Variants in PFKFB3 observed in about 807,000 individuals in gnomAD.
The protein encoded by PFKFB3 is 6-phosphofructo-2-kinase/fructose-2,6-biphosphatase 3, also known as 6-phosphofructo-2-kinase/fructose-2,6-bisphosphatase 3.
Under a neutral mutation model 68.0 loss-of-function variants are expected in PFKFB3, and 33 were observed. The ratio of observed to expected loss-of-function variants is 0.49; its 90% CI spans 0.37 to 0.65. The LOEUF (loss-of-function observed/expected upper bound fraction) is 0.65, where lower values mean the gene tolerates loss of function less well. Ranked by LOEUF, PFKFB3 falls within the 30% of genes least tolerant of loss-of-function variation. The pLI is 0.00. For synonymous variants in PFKFB3, 315 were observed against 288.2 expected (o/e 1.09, Z -0.94); for missense variants, 586 against 712.2 (o/e 0.82, Z 2.02).
chr10:6,249,897 G>C (rs1846343126), intron 14 of PFKFB3, among the ~76,000 whole-genome samples: 1 of 152,142 alleles, frequency 6.6e-6, no homozygotes, highest in African/African-American at 2.4e-5. Flanking sequence ...GCTTGATTTA[G>C]TTATTCCACA....
intron 1 of PFKFB3, among the ~76,000 whole-genome samples, chr10:6,165,498 G>A (rs1842105551): frequency 6.6e-6 from 1 of 152,072 alleles, no homozygotes; most frequent in African/African-American, 2.4e-5. Flanking sequence ...CTTCTCCCTG[G>A]GGGCACAAAA....
chr10:6,159,472 G>A (rs962302666), intron 1 of PFKFB3, among the ~76,000 whole-genome samples: 2 of 151,942 alleles, frequency 1.3e-5, no homozygotes, highest in African/African-American at 2.4e-5. Flanking sequence ...GCTGAGGCGG[G>A]GGGATCACCT....
intron 1 of PFKFB3, among the ~76,000 whole-genome samples, chr10:6,187,029 G>T (rs1842883746): frequency 6.6e-6 from 1 of 151,986 alleles, no homozygotes; most frequent in Non-Finnish European, 1.5e-5. Flanking sequence ...GGAGACCAAT[G>T]TGGAAGTGCG....
At position 6,245,316 on chromosome 10, in the gene PFKFB3, C is replaced by T. The variant is rs529295459; in HGVS notation, c.1516-8862C>T. 3.2e-4 allele frequency among the ~76,000 whole-genome samples: 49 copies of T among 152,140 alleles called. No individual in the cohort carries two copies. In the South Asian group the frequency reaches 9.8e-3, roughly 30 times the overall value. On this transcript the variant is annotated intron_variant, in intron 14 of 14. Coordinates refer to the PFKFB3 transcript ENST00000640683. ...TTCACCATGTTGGCCAGACTGGTCT[C>T]GAACTCCTGACCTTGTGATCTGCCC...
At chr10:6,255,019 A>G (rs1300306312), downstream of PFKFB3, among the ~76,000 whole-genome samples, 3 of 150,958 alleles carry the variant, frequency 2.0e-5, no homozygotes, top group East Asian at 5.8e-4. Context: ...GTTTTACCAC[A>G]TTGGCCAGGC....
chr10:6,264,951 C>T, the PFKFB3 span, among the ~76,000 whole-genome samples: 1 of 152,114 alleles, frequency 6.6e-6, no homozygotes, highest in Admixed American at 6.5e-5. Context: ...TCCAAGTCAT[C>T]GATCATCTTA....
intron 1 of PFKFB3, among the ~76,000 whole-genome samples, chr10:6,157,855 T>C (rs1425696453): frequency 6.6e-6 from 1 of 152,170 alleles, no homozygotes; most frequent in Non-Finnish European, 1.5e-5. Flanking sequence ...ACACATGGCC[T>C]GACAGTAAAT....
At chr10:6,165,018 T>C (rs1403668928) in intron 1 of PFKFB3, among the ~76,000 whole-genome samples, 1 of 151,784 alleles carries the variant, frequency 6.6e-6, no homozygotes, top group Non-Finnish European at 1.5e-5. Flanking sequence ...TCTCTTTCAC[T>C]ACTTCTCAGT....
chr10:6,187,982 T>G (rs555108324), intron 1 of PFKFB3, among the ~76,000 whole-genome samples: 229 of 117,420 alleles, frequency 2.0e-3, no homozygotes, highest in African/African-American at 6.0e-3. Flanking sequence ...TATCTATCCA[T>G]CCATCCATTT....
At chr10:6,267,534 C>T in the PFKFB3 span, among the ~76,000 whole-genome samples, 3 of 152,146 alleles carry the variant, frequency 2.0e-5, no homozygotes, top group Non-Finnish European at 2.9e-5. Context: ...TGCGGTGTCT[C>T]GGGGCTGTTG....
intron 1 of PFKFB3, among the ~76,000 whole-genome samples, chr10:6,204,775 C>G (rs1287580172): frequency 6.6e-6 from 1 of 152,242 alleles, no homozygotes; most frequent in African/African-American, 2.4e-5. Flanking sequence ...TTGGCCAAGG[C>G]CAAATGCAGA....
At chr10:6,211,637 T>G (rs1460326553) in intron 1 of PFKFB3, among the ~76,000 whole-genome samples, 2 of 152,200 alleles carry the variant, frequency 1.3e-5, no homozygotes, top group Non-Finnish European at 2.9e-5. Context: ...CCCTGGGTGC[T>G]TGGTGCTTTG....
chr10:6,205,728 T>A (rs1250130089), intron 1 of PFKFB3, among the ~76,000 whole-genome samples: 1 of 152,062 alleles, frequency 6.6e-6, no homozygotes, highest in Non-Finnish European at 1.5e-5. Flanking sequence ...TGTTGCCACC[T>A]TTATAAGTGG....
In PFKFB3 at chr10:6,215,448, G is replaced by GGCATAA; in HGVS notation, c.299+132_299+133insCATAAG. On this transcript the variant is annotated intron_variant, in intron 3 of 14. Coordinates refer to ENST00000379775, the MANE Select transcript of PFKFB3 (RefSeq NM_004566.4). This position sits in a 1 kb window ranked among gnomAD's most constrained non-coding sequence, Gnocchi z 4.3. Reference sequence around the variant, plus strand: ...GCTGTGGGAATAAGGCTGGGCTGCGGGGCTGCGGGTGTAAGGCTGGGCTGC... The same window carrying GGCATAA: ...GCTGTGGGAATAAGGCTGGGCTGCGGGCATAAGGCTGCGGGTGTAAGGCTGGGCTGC... 1.4e-6 allele frequency: 1 copy of GGCATAA among 707,018 alleles called. No homozygotes were observed. The highest frequency in any genetic ancestry group is 2.5e-6 in the Non-Finnish European group (1 of 402,872). 43.8% of individuals were successfully genotyped at this position (707,018 alleles called of 1,614,324 possible).
chr10:6,223,089 T>A, intron 11 of PFKFB3, 105 bp downstream of exon 11: 1 of 1,201,148 alleles, frequency 8.3e-7, no homozygotes, highest in Non-Finnish European at 1.2e-6. Context: ...TTGGCTGCTG[T>A]GCCATGGGGT....
At chr10:6,271,608 G>A in the PFKFB3 span, among the ~76,000 whole-genome samples, 9 of 152,220 alleles carry the variant, frequency 5.9e-5, no homozygotes, top group Non-Finnish European at 2.9e-5. Context: ...CTCTAGGTGT[G>A]TGATCTTGGA....
At chr10:6,205,573 AGTAAAGACGGG>A (rs1843628220) in intron 1 of PFKFB3, among the ~76,000 whole-genome samples, 3 of 151,404 alleles carry the variant, frequency 2.0e-5, no homozygotes, top group African/African-American at 7.3e-5. Flanking sequence ...TCATATTTTT[AGTAAAGACGGG>A]GTTTCACCAT....
At chr10:6,252,965 C>CTCT (rs1347912395) in intron 14 of PFKFB3, among the ~76,000 whole-genome samples, 1 of 152,184 alleles carries the variant, frequency 6.6e-6, no homozygotes, top group African/African-American at 2.4e-5. Context: ...GTCACCCAGG[C>CTCT]TAGAGTGCAG....
At position 6,210,350 on chromosome 10, in the gene PFKFB3, TTTTTTG is replaced by T. The variant is rs1564623189; in HGVS notation, c.77-3267_77-3262del. Among the ~76,000 whole-genome samples the T allele has an allele frequency of 3.1e-4, 4 of 12,906 alleles. 1 individual carries two copies. The Non-Finnish European group carries it at 3.4e-3, about 11-fold the overall frequency. 8.5% of individuals were successfully genotyped at this position (12,906 alleles called of 152,430 possible). On this transcript the variant is annotated intron_variant, in intron 1 of 14. Coordinates refer to ENST00000379775, the MANE Select transcript of PFKFB3 (RefSeq NM_004566.4). ...CCCCTCTCTTTGTTTTTTTTTGTTT[TTTTTTG>T]TTTTTTTGTTTTTTTTTTTTTTGAG...
Sources: gnomAD v4.1 joint callset for allele counts (sites outside exome capture counted in the v4.1 genomes callset) on GRCh38, gnomAD v4.1.1 for gene constraint, Gnocchi (gnomAD v3.1) non-coding constraint, MANE v1.5 for transcripts, NCBI Gene and HGNC (gene_info 2026-07-23, HGNC 2026-07-21) for gene names.